Variants in CCDC54 observed in about 807,000 individuals in gnomAD.
CCDC54 encodes the protein coiled-coil domain containing 54.
CCDC54 carries 2 observed loss-of-function variants against 2.9 expected under a neutral mutation model. The ratio of observed to expected loss-of-function variants is 0.69; its 90% CI spans 0.28 to 2.16. The LOEUF is 2.16. Among genes scored for constraint, CCDC54 ranks in the 30% most tolerant of loss-of-function variants. The probability of loss-of-function intolerance (pLI) is 0.13; values close to 1 mark genes in which losing one functional copy is unlikely to be tolerated. For synonymous variants in CCDC54, 128 were observed against 129.6 expected, an observed-to-expected ratio of 0.99 and a Z score of 0.08; for missense variants, 368 against 378.1, an observed-to-expected ratio of 0.97 and a Z score of 0.22.
Position 107,378,390 on chromosome 3 carries a change from TAGA to T in CCDC54, c.808_810del (p.Glu270del). ...ACATTTTTCCTCAGTGCTACCAAGT[TAGA>T]AGAATTCATCCAGTGGCTTCTTTCT... On this transcript the variant is annotated inframe_deletion, in exon 1 of 1. Transcript: ENST00000261058. The T allele has an allele frequency of 6.2e-7, 1 of 1,614,196 alleles. No homozygotes were observed. Among genetic ancestry groups the T allele is most frequent in the Non-Finnish European group, 8.5e-7 (1 of 1,179,990 alleles).
In CCDC54 at chr3:107,377,837, A is replaced by G. The variant is rs755788694; in HGVS notation, c.250A>G (p.Met84Val). The part of the protein sequence containing the change: ...KTAQVELFSQ[M>V]TDIVHMIPKV... ...TGCTCAAGTTGAACTTTTCAGCCAA[A>G]TGACTGACATTGTCCATATGATACC... is the stretch of plus-strand genomic sequence containing the variant. Residue 84 changes from methionine (M) to valine (V), a missense_variant, in exon 1 of 1, where the codon ATG becomes GTG. Physicochemically the swap from Met to Val is conservative, Grantham distance 21. Coordinates refer to ENST00000261058, the MANE Select transcript of CCDC54 (RefSeq NM_032600.3). The G allele has an allele frequency of 2.5e-6, 4 of 1,614,188 alleles. No individual in the cohort carries two copies. The highest frequency in any genetic ancestry group is 8.5e-7 in the Non-Finnish European group (1 of 1,180,026).
In CCDC54 at chr3:107,378,563, A is replaced by T; in HGVS notation, c.976A>T (p.Thr326Ser). The T allele has an allele frequency of 6.2e-7, 1 of 1,612,784 alleles. No individual in the cohort carries two copies. Among genetic ancestry groups the T allele is most frequent in the Non-Finnish European group, 8.5e-7 (1 of 1,179,534 alleles). Reference protein sequence around the residue: ...GFICSLKEEVTRL With the variant: ...GFICSLKEEVSRL The stretch of plus-strand genomic sequence containing the variant: ...TATTTGTTCCTTAAAAGAAGAAGTA[A>T]CTCGACTATAGAGTTATGTTCTGCT... The change falls in exon 1 of 1, where the codon ACT becomes TCT. Residue 326 changes from threonine (T) to serine (S), a missense_variant. Coordinates refer to ENST00000261058, the MANE Select transcript of CCDC54 (RefSeq NM_032600.3).
In CCDC54 at chr3:107,378,220, A is replaced by G. The variant is rs772309866; in HGVS notation, c.633A>G (p.Lys211=). 5 of 1,614,048 alleles carry G rather than the reference A, an allele frequency of 3.1e-6. No individual in the cohort carries two copies. Among genetic ancestry groups the G allele is most frequent in the African/African-American group, 2.7e-5 (2 of 74,936 alleles). ...YPKSTDHLEK[K]TISPQMKTLK... is the part of the protein sequence containing the mutation. ...AGTCCACTGACCATCTTGAGAAAAA[A>G]ACAATTTCTCCCCAAATGAAAACTC... The change falls in exon 1 of 1, where the codon AAA becomes AAG. Residue 211 remains lysine, a synonymous_variant. Coordinates refer to ENST00000261058, the MANE Select transcript of CCDC54 (RefSeq NM_032600.3).
At position 107,377,850 on chromosome 3, in the gene CCDC54, T is replaced by C; in HGVS notation, c.263T>C (p.Val88Ala). ...CTTTTCAGCCAAATGACTGACATTGTCCATATGATACCAAAAGTCCAGGAA... is the reference window on the plus strand; with the variant it reads ...CTTTTCAGCCAAATGACTGACATTGCCCATATGATACCAAAAGTCCAGGAA... ...VELFSQMTDI[V>A]HMIPKVQEKT... The change falls in exon 1 of 1, where the codon GTC becomes GCC. Residue 88 changes from valine (V) to alanine (A), a missense_variant. Coordinates refer to ENST00000261058, the MANE Select transcript of CCDC54 (RefSeq NM_032600.3). 5 of 1,614,120 alleles carry C rather than the reference T, an allele frequency of 3.1e-6. No homozygotes were observed. The highest frequency in any genetic ancestry group is 1.6e-4 in the Middle Eastern group (1 of 6,062).
In CCDC54 at chr3:107,377,539, T is replaced by C. The variant is rs1402277763; in HGVS notation, c.-49T>C. 36 of 1,532,746 alleles carry C rather than the reference T, an allele frequency of 2.3e-5. No individual in the cohort carries two copies. Among genetic ancestry groups the C allele is most frequent in the Non-Finnish European group, 3.0e-5 (34 of 1,139,448 alleles). 94.9% of individuals were successfully genotyped at this position (1,532,746 alleles called of 1,614,324 possible). A position where few individuals can be genotyped will look rare whatever the true frequency, so the allele number is the denominator to read the frequency against. The stretch of plus-strand genomic sequence containing the variant: ...ACCATTTCATTTGTACATTATTTCT[T>C]CCTGTGATTCTGTTTTCCAACACCT... On this transcript the variant is annotated 5_prime_UTR_variant, in exon 1 of 1. Transcript: ENST00000261058.
chr3:107,377,547 T>C lies in CCDC54; in HGVS notation c.-41T>C. The C allele has an allele frequency of 6.4e-7, 1 of 1,550,888 alleles. No homozygotes were observed. The highest frequency in any genetic ancestry group is 8.7e-7 in the Non-Finnish European group (1 of 1,153,052). On this transcript the variant is annotated 5_prime_UTR_variant, in exon 1 of 1. Coordinates refer to ENST00000261058, the MANE Select transcript of CCDC54 (RefSeq NM_032600.3). ...ATTTGTACATTATTTCTTCCTGTGA[T>C]TCTGTTTTCCAACACCTTGCCTCTT...
At position 107,378,004 on chromosome 3, in the gene CCDC54, G is replaced by A; in HGVS notation, c.417G>A (p.Lys139=). The A allele has an allele frequency of 1.2e-6, 2 of 1,614,096 alleles. No homozygotes were observed. The highest frequency in any genetic ancestry group is 1.7e-6 in the Non-Finnish European group (2 of 1,180,002). Residue 139 remains lysine (K), a synonymous_variant, in exon 1 of 1, where the codon AAG becomes AAA. Transcript: ENST00000261058. ...AAGACATCAAGGCATTAAAGAAGAA[G>A]GTGACAGAACTGGAAATTCAGAATT... ...MKEDIKALKK[K]VTELEIQNSC...
chr3:107,378,108 T>A lies in CCDC54; in HGVS notation c.521T>A (p.Ile174Lys), dbSNP rs571901993. 1.9e-6 allele frequency: 3 copies of A among 1,614,144 alleles called. No individual in the cohort carries two copies. The highest frequency in any genetic ancestry group is 1.7e-5 in the Admixed American group (1 of 60,020). Residue 174 changes from isoleucine (I) to lysine (K), a missense_variant, in exon 1 of 1, where the codon ATA becomes AAA. Physicochemically the swap from Ile to Lys is moderately radical, Grantham distance 102. Transcript: ENST00000261058. ...ATCACAGAACTGCTTTACAAACTCA[T>A]ACAACCAGCAACTCTGAAGAACACT... ...KEITELLYKL[I>K]QPATLKNTLA...
In CCDC54 at chr3:107,377,755, T is replaced by G; in HGVS notation, c.168T>G (p.Asp56Glu). The change falls in exon 1 of 1, where the codon GAT becomes GAG. Residue 56 changes from aspartate to glutamate, a missense_variant. Coordinates refer to ENST00000261058, the MANE Select transcript of CCDC54 (RefSeq NM_032600.3). ...TGACATCTGATGATTGTAATCAAGA[T>G]GATGATAGTTATGACGGAAAAATGA... ...PTVTSDDCNQDDDSYDGKMNL... is the reference protein window; with the variant it reads ...PTVTSDDCNQEDDSYDGKMNL... The G allele has an allele frequency of 6.2e-7, 1 of 1,614,134 alleles. No individual in the cohort carries two copies. The highest frequency in any genetic ancestry group is 8.5e-7 in the Non-Finnish European group (1 of 1,179,998).
chr3:107,377,747 A>T lies in CCDC54; in HGVS notation c.160A>T (p.Asn54Tyr). Residue 54 changes from asparagine (N) to tyrosine (Y), a missense_variant, in exon 1 of 1, where the codon AAT becomes TAT. Coordinates refer to ENST00000261058, the MANE Select transcript of CCDC54 (RefSeq NM_032600.3). ...TCCCACTGTGACATCTGATGATTGT[A>T]ATCAAGATGATGATAGTTATGACGG... ...GYPTVTSDDC[N>Y]QDDDSYDGKM... is the part of the protein sequence containing the mutation. 1 of 1,614,128 alleles carries T rather than the reference A, an allele frequency of 6.2e-7. No homozygotes were observed. The highest frequency in any genetic ancestry group is 8.5e-7 in the Non-Finnish European group (1 of 1,179,962).
chr3:107,378,041 A>G lies in CCDC54; in HGVS notation c.454A>G (p.Ile152Val). 6.2e-7 allele frequency: 1 copy of G among 1,614,230 alleles called. No homozygotes were observed. The highest frequency in any genetic ancestry group is 8.5e-7 in the Non-Finnish European group (1 of 1,180,038). ...GGAAATTCAGAATTCCTGCTCCACG[A>G]TACATTGTCTAGAGATTCTGGAGGG... ...ELEIQNSCST[I>V]HCLEILEGER... is the part of the protein sequence containing the mutation. Residue 152 changes from isoleucine to valine, a missense_variant, in exon 1 of 1, where the codon ATA becomes GTA. Ile to Val is a conservative substitution (Grantham distance 29). Transcript: ENST00000261058.
the CCDC54 span, chr3:107,378,313 C>G: frequency 1.2e-6 from 2 of 1,614,180 alleles, no homozygotes; most frequent in Non-Finnish European, 1.7e-6. Context: ...TTTACATTTA[C>G]CCAGACTTCA....
At position 107,378,034 on chromosome 3, in the gene CCDC54, C is replaced by T; in HGVS notation, c.447C>T (p.Cys149=). ...CAGAACTGGAAATTCAGAATTCCTGCTCCACGATACATTGTCTAGAGATTC... is the reference window on the plus strand; with the variant it reads ...CAGAACTGGAAATTCAGAATTCCTGTTCCACGATACATTGTCTAGAGATTC... ...KVTELEIQNS[C]STIHCLEILE... The change falls in exon 1 of 1, where the codon TGC becomes TGT. Residue 149 remains cysteine, a synonymous_variant. Transcript: ENST00000261058. The T allele has an allele frequency of 6.2e-7, 1 of 1,614,156 alleles. No homozygotes were observed. Among genetic ancestry groups the T allele is most frequent in the South Asian group, 1.1e-5 (1 of 91,082 alleles).
chr3:107,378,181 GC>G, the CCDC54 span: 2 of 1,613,998 alleles, frequency 1.2e-6, no homozygotes, highest in Non-Finnish European at 1.7e-6. Context: ...CAGAGAAAGT[GC>G]CCAGTTATCC....
In CCDC54 at chr3:107,377,804, G is replaced by T; in HGVS notation, c.217G>T (p.Val73Phe). Residue 73 changes from valine to phenylalanine, a missense_variant, in exon 1 of 1, where the codon GTT becomes TTT. Transcript: ENST00000261058. ...KMNLPVVLQD[V>F]KTAQVELFSQ... ...GAATCTTCCAGTAGTGCTCCAAGAT[G>T]TTAAAACTGCTCAAGTTGAACTTTT... 1 of 1,614,154 alleles carries T rather than the reference G, an allele frequency of 6.2e-7. No homozygotes were observed. The highest frequency in any genetic ancestry group is 8.5e-7 in the Non-Finnish European group (1 of 1,180,006).
Position 107,378,613 on chromosome 3 carries a change from C to A in CCDC54, c.*39C>A, listed in dbSNP as rs776643383. On this transcript the variant is annotated 3_prime_UTR_variant, in exon 1 of 1. Coordinates refer to ENST00000261058, the MANE Select transcript of CCDC54 (RefSeq NM_032600.3). ...TTTGCTTGGCACAAAATAAATGTAA[C>A]CTGGAGGCTCCAAGTATTCACACAT... The A allele has an allele frequency of 2.7e-5, 42 of 1,562,280 alleles. No individual in the cohort carries two copies. The highest frequency in any genetic ancestry group is 3.1e-5 in the Non-Finnish European group (36 of 1,156,956).
In CCDC54 at chr3:107,378,066, G is replaced by A; in HGVS notation, c.479G>A (p.Gly160Glu). Residue 160 changes from glycine (G) to glutamate (E), a missense_variant, in exon 1 of 1, where the codon GGA (glycine) becomes GAA (glutamate). Physicochemically the swap from Gly to Glu is moderately conservative, Grantham distance 98. Transcript: ENST00000261058. The part of the protein sequence containing the change: ...STIHCLEILE[G>E]ERGKEITELL... ...ATACATTGTCTAGAGATTCTGGAGG[G>A]AGAAAGGGGTAAAGAAATCACAGAA... The A allele has an allele frequency of 6.2e-7, 1 of 1,614,162 alleles. No individual in the cohort carries two copies. The highest frequency in any genetic ancestry group is 8.5e-7 in the Non-Finnish European group (1 of 1,180,032).
At position 107,377,522 on chromosome 3, in the gene CCDC54, A is replaced by T; in HGVS notation, c.-66A>T. The T allele has an allele frequency of 8.8e-6, 13 of 1,477,136 alleles. No homozygotes were observed. Among genetic ancestry groups the T allele is most frequent in the Non-Finnish European group, 1.2e-5 (13 of 1,094,024 alleles). The allele number at this position is 1,477,136 out of a possible 1,614,324, so 91.5% of individuals were successfully genotyped here. The stretch of plus-strand genomic sequence containing the variant: ...CAAATAGTAAGAGAAGGACCATTTC[A>T]TTTGTACATTATTTCTTCCTGTGAT... On this transcript the variant is annotated 5_prime_UTR_variant, in exon 1 of 1. Coordinates refer to ENST00000261058, the MANE Select transcript of CCDC54 (RefSeq NM_032600.3).
chr3:107,378,620 G>A lies in CCDC54; in HGVS notation c.*46G>A, dbSNP rs1325341855. On this transcript the variant is annotated 3_prime_UTR_variant, in exon 1 of 1. Transcript: ENST00000261058. ...GGCACAAAATAAATGTAACCTGGAG[G>A]CTCCAAGTATTCACACATTGGTGTG... 1.9e-6 allele frequency: 3 copies of A among 1,545,382 alleles called. No individual in the cohort carries two copies. Among genetic ancestry groups the A allele is most frequent in the Admixed American group, 1.9e-5 (1 of 51,386 alleles).
Sources: allele counts gnomAD v4.1 joint callset, GRCh38; gene constraint gnomAD v4.1.1; transcripts MANE v1.5; gene names NCBI Gene and HGNC (gene_info 2026-07-23, HGNC 2026-07-21).